ZNF678: variants seen among roughly 807,000 people sequenced by gnomAD.
ZNF678 encodes zinc finger protein 678, also known as hypothetical protein MGC42493.
A neutral mutation model predicts 3.0 loss-of-function variants in ZNF678; 5 were observed. The observed-to-expected ratio is 1.69, with a 90% CI of 0.88 to 3.56. The LOEUF is 3.56. Among genes scored for constraint, ZNF678 ranks in the 30% most tolerant of loss-of-function variants. ZNF678 has a pLI of 0.00. For synonymous variants in ZNF678, 218 were observed against 199.6 expected (o/e 1.09, Z -0.78); for missense variants, 593 against 605.0 (o/e 0.98, Z 0.21).
intron 5 of ZNF678, among the ~76,000 whole-genome samples, chr1:227,669,267 CTT>C (rs906037665): frequency 2.6e-5 from 4 of 152,148 alleles, no homozygotes; most frequent in African/African-American, 7.2e-5. Context: ...TGAACAGACA[CTT>C]TTCAAAGTAA....
At chr1:227,598,835 T>C in intron 1 of ZNF678, 1 of 592,554 alleles carries the variant, frequency 1.7e-6, no homozygotes. Context: ...AATTAGAGCT[T>C]AATGAAGAAG....
rs1659325652 is a variant in ZNF678, at chr1:227,658,896, T to C, written c.*3068T>C. 1 of 152,038 alleles carries C rather than the reference T, an allele frequency of 6.6e-6. No individual in the cohort carries two copies. The highest frequency in any genetic ancestry group is 1.5e-5 in the Non-Finnish European group (1 of 67,942). The allele number at this position is 152,038 out of a possible 1,614,324, so 9.4% of individuals were successfully genotyped here. On this transcript the variant is annotated 3_prime_UTR_variant, in exon 4 of 4. Transcript: ENST00000343776. ...GTTAGAATAGGTAAAGCATTAATAA[T>C]GGTAGGCTATATATCATAATCACTA...
chr1:227,577,944 C>T (rs1278306479), intron 1 of ZNF678, among the ~76,000 whole-genome samples: 2 of 152,128 alleles, frequency 1.3e-5, no homozygotes, highest in Non-Finnish European at 2.9e-5. Context: ...GTAATCAATT[C>T]CCTCAGCATT....
chr1:227,596,808 A>G (rs974234763), intron 1 of ZNF678, among the ~76,000 whole-genome samples: 1 of 152,252 alleles, frequency 6.6e-6, no homozygotes. Flanking sequence ...TGTGCTAAAT[A>G]TAGTGGTATA....
intron 1 of ZNF678, among the ~76,000 whole-genome samples, chr1:227,618,579 C>T (rs1658196847): frequency 1.3e-5 from 2 of 152,140 alleles, no homozygotes; most frequent in Non-Finnish European, 2.9e-5. Context: ...TGGGGACAGC[C>T]AGGCAGGCCA....
intron 1 of ZNF678, chr1:227,598,924 G>C: frequency 1.3e-6 from 1 of 753,176 alleles, no homozygotes; most frequent in Non-Finnish European, 2.4e-6. Flanking sequence ...ATTTCTCCCT[G>C]TCTCTTTCTA....
chr1:227,640,650 A>T (rs1658797403), intron 1 of ZNF678, among the ~76,000 whole-genome samples: 1 of 152,202 alleles, frequency 6.6e-6, no homozygotes, highest in Non-Finnish European at 1.5e-5. Flanking sequence ...TTTGTGGGCC[A>T]TTTGGACCCG....
At chr1:227,600,286 T>C (rs2935147) in intron 1 of ZNF678, among the ~76,000 whole-genome samples, 70,134 of 152,060 alleles carry the variant, frequency 0.46, 17,127 homozygotes, top group African/African-American at 0.62. Context: ...TGCATGTGTC[T>C]TTATGATAGA....
chr1:227,672,668 G>C (rs1449333374), intron 5 of ZNF678, among the ~76,000 whole-genome samples: 3 of 152,040 alleles, frequency 2.0e-5, no homozygotes, highest in Non-Finnish European at 2.9e-5. Flanking sequence ...TACTTCAGCA[G>C]CTCCCCCTGA....
At chr1:227,665,941 TCAATC>T (rs1388206115), downstream of ZNF678, among the ~76,000 whole-genome samples, 2 of 152,184 alleles carry the variant, frequency 1.3e-5, no homozygotes, top group Admixed American at 6.5e-5. Context: ...GTTTTCTTCT[TCAATC>T]CAATCCTATC....
chr1:227,662,997 G>C (rs943877823), downstream of ZNF678, among the ~76,000 whole-genome samples: 3 of 152,200 alleles, frequency 2.0e-5, no homozygotes, highest in Admixed American at 1.3e-4. Flanking sequence ...TTAAGGTTAA[G>C]TGAGTTTATT....
At chr1:227,606,917 A>T (rs1657887470) in intron 1 of ZNF678, among the ~76,000 whole-genome samples, 1 of 152,226 alleles carries the variant, frequency 6.6e-6, no homozygotes, top group Admixed American at 6.5e-5. Context: ...GATTAACAGC[A>T]TCTCAAAGCA....
chr1:227,653,705 C>T (rs971814862), intron 3 of ZNF678, among the ~76,000 whole-genome samples: 1 of 152,076 alleles, frequency 6.6e-6, no homozygotes, highest in East Asian at 1.9e-4. Context: ...TGTGTGTTTA[C>T]TGTTCAGCTA....
intron 1 of ZNF678, among the ~76,000 whole-genome samples, chr1:227,636,051 G>T (rs1300491861): frequency 6.6e-6 from 1 of 152,180 alleles, no homozygotes; most frequent in African/African-American, 2.4e-5. Flanking sequence ...GTTGTAGCAG[G>T]AGCATCGTCT....
chr1:227,634,589 T>A (rs538876242), intron 1 of ZNF678, among the ~76,000 whole-genome samples: 70 of 152,292 alleles, frequency 4.6e-4, no homozygotes, highest in African/African-American at 1.5e-3. Context: ...GTACTCTCCA[T>A]GGTCTGTGAT....
rs902715205 is a variant in ZNF678, at chr1:227,659,259, A to C, written c.*3431A>C. ...TCTTACTCATATCACAATATGTTTT[A>C]TTTAAATGGATGCAGCTTACATTGC... is the stretch of plus-strand genomic sequence containing the variant. On this transcript the variant is annotated 3_prime_UTR_variant, in exon 4 of 4. Transcript: ENST00000343776. The C allele has an allele frequency of 1.3e-4, 20 of 152,250 alleles. No individual in the cohort carries two copies. Among genetic ancestry groups the C allele is most frequent in the African/African-American group, 4.6e-4 (19 of 41,566 alleles). 9.4% of individuals were successfully genotyped at this position (152,250 alleles called of 1,614,324 possible). A position where few individuals can be genotyped will look rare whatever the true frequency, so the allele number is the denominator to read the frequency against.
At chr1:227,610,687 C>G (rs1243553501) in intron 1 of ZNF678, among the ~76,000 whole-genome samples, 1 of 152,160 alleles carries the variant, frequency 6.6e-6, no homozygotes, top group Non-Finnish European at 1.5e-5. Context: ...GGATCCCCAC[C>G]TGGACCAAGC....
rs1421068631 is a variant in ZNF678 at position 227,660,756 on chromosome 1, A to G, written c.*4928A>G. On this transcript the variant is annotated 3_prime_UTR_variant, in exon 4 of 4. Coordinates refer to ENST00000343776, the MANE Select transcript of ZNF678 (RefSeq NM_001367909.1). ...GTAGCATGTTAAATAAGAGTGATGA[A>G]GTTAGATATATTTGCCTTACTATAA... is the stretch of plus-strand genomic sequence containing the variant. 1 of 152,136 alleles carries G rather than the reference A, an allele frequency of 6.6e-6. No individual in the cohort carries two copies. The highest frequency in any genetic ancestry group is 1.5e-5 in the Non-Finnish European group (1 of 68,014). The allele number at this position is 152,136 out of a possible 1,614,324, so 9.4% of individuals were successfully genotyped here.
chr1:227,649,298 C>T (rs996275393), intron 2 of ZNF678, among the ~76,000 whole-genome samples: 16 of 152,150 alleles, frequency 1.1e-4, no homozygotes, highest in Admixed American at 2.0e-4. Flanking sequence ...AACGACTTCA[C>T]CAATTTACAA....
Sources: allele counts gnomAD v4.1 joint callset (sites outside exome capture counted in the v4.1 genomes callset), GRCh38; gene constraint gnomAD v4.1.1; transcripts MANE v1.5; gene names NCBI Gene and HGNC (gene_info 2026-07-23, HGNC 2026-07-21).